WFS1: variants seen among roughly 807,000 people sequenced by gnomAD.
WFS1 encodes wolframin.
In WFS1, 90 loss-of-function variants were observed where a neutral mutation model predicts 68.5. That is an observed-to-expected ratio of 1.31 (90% CI 1.11 to 1.56). The LOEUF (loss-of-function observed/expected upper bound fraction) is 1.56. Among genes scored for constraint, WFS1 ranks in the 40% most tolerant of loss-of-function variants. The probability of loss-of-function intolerance (pLI) is 0.00; values close to 1 mark genes in which losing one functional copy is unlikely to be tolerated. For synonymous variants in WFS1, 860 were observed against 540.7 expected, an observed-to-expected ratio of 1.59 and a Z score of -8.19; for missense variants, 1,767 against 1,232.6, an observed-to-expected ratio of 1.43 and a Z score of -6.49.
chr4:6,277,413 C>CCGGT (rs1297830241), intron 1 of WFS1, 38 bp from the exon 2 acceptor site: 1 of 1,537,570 alleles, frequency 6.5e-7, no homozygotes, highest in Admixed American at 2.0e-5. Context: ...GCGGGCTCTG[C>CCGGT]CGGTGCTGGA....
At chr4:6,298,187 A>T (rs4234731) in intron 7 of WFS1, among the ~76,000 whole-genome samples, 1 of 151,808 alleles carries the variant, frequency 6.6e-6, no homozygotes, top group African/African-American at 2.4e-5. Flanking sequence ...CAAGGCCCCC[A>T]TACGGGGATT....
At position 6,298,599 on chromosome 4, in the gene WFS1, C is replaced by T. The variant is rs1177174657; in HGVS notation, c.862-2058C>T. ...ACACTCCTAAACACTTCCGTTTCTT[C>T]CATGAGCCTGTCCTTCTCATCTGTG... On this transcript the variant is annotated intron_variant, in intron 7 of 7. Transcript: ENST00000226760. 2.6e-5 allele frequency among the ~76,000 whole-genome samples: 4 copies of T among 152,104 alleles called. No homozygotes were observed. The South Asian group carries it at 8.3e-4, about 32-fold the overall frequency.
At position 6,301,521 on chromosome 4, in the gene WFS1, G is replaced by A. The variant is rs1805069; in HGVS notation, c.1726G>A (p.Gly576Ser). ...CTTTGCCCTCCCCATCCTGGTGGCC[G>A]GCCTGGCCCTGGTGGGCGTGCTGCA... ...FLFALPILVA[G>S]LALVGVLQFA... is the part of the protein sequence containing the mutation. Residue 576 changes from glycine to serine, a missense_variant, in exon 8 of 8, where the codon GGC becomes AGC. Transcript: ENST00000226760. The A allele has an allele frequency of 4.6e-3, 7,463 of 1,613,806 alleles. 213 individuals are homozygous for A. The East Asian group carries it at 0.086, about 19-fold the overall frequency.
At chr4:6,275,210 CTCTG>C (rs996598487) in intron 1 of WFS1, among the ~76,000 whole-genome samples, 2 of 152,218 alleles carry the variant, frequency 1.3e-5, no homozygotes, top group Non-Finnish European at 2.9e-5. Context: ...TGCCCTCTCT[CTCTG>C]TCTGAGAAAG....
At chr4:6,299,985 G>A (rs116229697) in intron 7 of WFS1, among the ~76,000 whole-genome samples, 200 of 151,964 alleles carry the variant, frequency 1.3e-3, no homozygotes, top group African/African-American at 4.2e-3. Flanking sequence ...GTGTGTGTAC[G>A]GGCAGAAGGT....
At chr4:6,292,637 C>G (rs1447534125) in intron 6 of WFS1, among the ~76,000 whole-genome samples, 1 of 152,150 alleles carries the variant, frequency 6.6e-6, no homozygotes, top group Non-Finnish European at 1.5e-5. Context: ...ACTCTGCAGT[C>G]TGAGGCACTG....
At chr4:6,272,667 G>A (rs1388474111) in intron 1 of WFS1, among the ~76,000 whole-genome samples, 2 of 152,156 alleles carry the variant, frequency 1.3e-5, no homozygotes, top group Admixed American at 6.5e-5. Context: ...GAAAACTAGG[G>A]AAATATGTTT....
At chr4:6,295,389 C>T (rs967429794) in intron 7 of WFS1, among the ~76,000 whole-genome samples, 200 bp downstream of exon 7, 9 of 152,120 alleles carry the variant, frequency 5.9e-5, no homozygotes, top group Admixed American at 5.9e-4. Flanking sequence ...TTCTTTTCTG[C>T]GCCGTCAGGC....
At chr4:6,294,646 C>T in intron 6 of WFS1, 1 of 329,168 alleles carries the variant, frequency 3.0e-6, no homozygotes, top group South Asian at 2.6e-5. Context: ...GTCACCCGTG[C>T]TGTGAGAAGC....
intron 7 of WFS1, among the ~76,000 whole-genome samples, chr4:6,296,914 T>A (rs763498671): frequency 6.6e-6 from 1 of 152,238 alleles, no homozygotes; most frequent in Non-Finnish European, 1.5e-5. Context: ...AGCCTCAACG[T>A]GCCAAACTCA....
chr4:6,291,313 A>G lies in WFS1; in HGVS notation c.577A>G (p.Lys193Glu). 6.2e-7 allele frequency: 1 copy of G among 1,613,240 alleles called. No individual in the cohort carries two copies. The highest frequency in any genetic ancestry group is 1.1e-5 in the South Asian group (1 of 91,048). ...MYWKLNPKKK[K>E]QVAVAELLEN... The stretch of plus-strand genomic sequence containing the variant: ...CTGGAAGCTCAACCCCAAGAAGAAG[A>G]AGCAGGTGGCCGTGGCGGAGCTGCT... The change falls in exon 5 of 8, where the codon AAG becomes GAG. Residue 193 changes from lysine to glutamate, a missense_variant. Lys to Glu is a moderately conservative substitution (Grantham distance 56). Coordinates refer to ENST00000226760, the MANE Select transcript of WFS1 (RefSeq NM_006005.3).
In WFS1 at chr4:6,301,520, C is replaced by T. The variant is rs2230719; in HGVS notation, c.1725C>T (p.Ala575=). 0.07 allele frequency: 113,488 copies of T among 1,613,824 alleles called. 4,444 individuals are homozygous for T. Among genetic ancestry groups the T allele is most frequent in the Middle Eastern group, 0.12 (736 of 6,062 alleles). The change falls in exon 8 of 8, where the codon GCC becomes GCT. Residue 575 remains alanine, a synonymous_variant. Coordinates refer to ENST00000226760, the MANE Select transcript of WFS1 (RefSeq NM_006005.3). Reference sequence around the variant, plus strand: ...TCTTTGCCCTCCCCATCCTGGTGGCCGGCCTGGCCCTGGTGGGCGTGCTGC... The same window carrying T: ...TCTTTGCCCTCCCCATCCTGGTGGCTGGCCTGGCCCTGGTGGGCGTGCTGC... ...LFLFALPILV[A]GLALVGVLQF...
Position 6,287,120 on chromosome 4 carries a change from C to A in WFS1, c.260C>A (p.Pro87His). The A allele has an allele frequency of 6.4e-7, 1 of 1,560,142 alleles. No individual in the cohort carries two copies. Among genetic ancestry groups the A allele is most frequent in the East Asian group, 2.3e-5 (1 of 42,824 alleles). The change falls in exon 3 of 8, where the codon CCC (proline) becomes CAC (histidine). Residue 87 changes from proline to histidine, a missense_variant. By Grantham distance (77) the Pro-to-His change is moderately conservative. Transcript: ENST00000226760. The surrounding 1 kb of genome is among the most constrained non-coding windows in gnomAD (Gnocchi z 6.4). ...CCTACAAAGGGAGACATGGAAATCC[C>A]CTTTGAAGAAGTCCTGGAGAGGGCC... ...TGPTKGDMEI[P>H]FEEVLERAKA...
chr4:6,270,917 G>T (rs1729819772), intron 1 of WFS1, among the ~76,000 whole-genome samples: 1 of 152,204 alleles, frequency 6.6e-6, no homozygotes, highest in Non-Finnish European at 1.5e-5. Flanking sequence ...CCACGAAGCT[G>T]ATGGGGCAGA....
chr4:6,294,604 G>A (rs941226860), intron 6 of WFS1, among the ~76,000 whole-genome samples: 5 of 152,216 alleles, frequency 3.3e-5, no homozygotes, highest in East Asian at 1.9e-4. Flanking sequence ...TCGATGGAGC[G>A]GTTGGCAGGG....
At chr4:6,298,734 T>G (rs905639632) in intron 7 of WFS1, among the ~76,000 whole-genome samples, 2 of 152,248 alleles carry the variant, frequency 1.3e-5, no homozygotes, top group African/African-American at 4.8e-5. Flanking sequence ...TCTGGTTGTT[T>G]CCAGGTGTCC....
chr4:6,282,285 C>T lies in WFS1; in HGVS notation c.232+4598C>T, dbSNP rs575513370. On this transcript the variant is annotated intron_variant, in intron 2 of 7. Coordinates refer to ENST00000226760, the MANE Select transcript of WFS1 (RefSeq NM_006005.3). ...CTGTGGTGCAGGGTGACCCCAGCTTCCCCATGTGGGGGATGCGCCGGTGGT... is the reference window on the plus strand; with the variant it reads ...CTGTGGTGCAGGGTGACCCCAGCTTTCCCATGTGGGGGATGCGCCGGTGGT... Among the ~76,000 whole-genome samples the T allele has an allele frequency of 2.6e-5, 4 of 152,376 alleles. No homozygotes were observed. The South Asian group carries it at 6.2e-4, about 24-fold the overall frequency.
chr4:6,291,119 G>T, intron 4 of WFS1, 78 bp from the exon 5 acceptor site: 2 of 1,530,352 alleles, frequency 1.3e-6, no homozygotes, highest in Non-Finnish European at 9.0e-7. Flanking sequence ...AGCCTTCCAG[G>T]CAGAGTTGGC....
At position 6,277,461 on chromosome 4, in the gene WFS1, C is replaced by T; in HGVS notation, c.6C>T (p.Asp2=). The T allele has an allele frequency of 3.9e-6, 6 of 1,554,270 alleles. No individual in the cohort carries two copies. Among genetic ancestry groups the T allele is most frequent in the Non-Finnish European group, 5.2e-6 (6 of 1,148,974 alleles). M[D]SNTAPLGPSC... is the part of the protein sequence containing the mutation. ...TGACTTTTCTTCCAGGCAGGATGGA[C>T]TCCAACACTGCTCCGCTGGGCCCCT... Residue 2 remains aspartate, a synonymous_variant, in exon 2 of 8, where the codon GAC becomes GAT. Coordinates refer to ENST00000226760, the MANE Select transcript of WFS1 (RefSeq NM_006005.3).
Sources: allele counts gnomAD v4.1 joint callset (sites outside exome capture counted in the v4.1 genomes callset), GRCh38; gene constraint gnomAD v4.1.1; non-coding constraint Gnocchi (gnomAD v3.1); transcripts MANE v1.5; gene names NCBI Gene and HGNC (gene_info 2026-07-23, HGNC 2026-07-21).